RANBP17: variants seen among roughly 807,000 people sequenced by gnomAD.
The protein encoded by RANBP17 is RAN binding protein 17.
Under a neutral mutation model 141.2 loss-of-function variants are expected in RANBP17, and 158 were observed. The ratio of observed to expected loss-of-function variants is 1.12; its 90% CI spans 0.98 to 1.28. The LOEUF (loss-of-function observed/expected upper bound fraction) is 1.28, where lower values mean the gene tolerates loss of function less well. RANBP17 is among the 50% of genes most tolerant of loss of function. RANBP17 has a pLI of 0.00. For missense variants in RANBP17, 1,438 were observed against 1,290.7 expected, an observed-to-expected ratio of 1.11 and a Z score of -1.75; for synonymous variants, 430 against 450.0, an observed-to-expected ratio of 0.96 and a Z score of 0.56.
chr5:171,284,950 C>T (rs932351925), intron 25 of RANBP17, among the ~76,000 whole-genome samples: 1 of 152,116 alleles, frequency 6.6e-6, no homozygotes, highest in South Asian at 2.1e-4. Flanking sequence ...AGCCCAAACT[C>T]GTTTCTATAT....
intron 14 of RANBP17, among the ~76,000 whole-genome samples, chr5:171,147,339 TTG>T (rs59202388): frequency 0.014 from 1,460 of 104,832 alleles, 9 homozygotes; most frequent in African/African-American, 0.026. Flanking sequence ...CTTGGTTGTT[TTG>T]TGTGTGTGTG....
intron 5 of RANBP17, among the ~76,000 whole-genome samples, chr5:170,897,656 C>A (rs576865346): frequency 3.3e-5 from 5 of 151,572 alleles, no homozygotes; most frequent in African/African-American, 1.2e-4. Flanking sequence ...TAAGAACATG[C>A]AGTGTTTGGT....
In RANBP17 at chr5:170,945,298, G is replaced by A. The variant is rs1043531049; in HGVS notation, c.1469-8299G>A. Reference sequence around the variant, plus strand: ...TTCATTTTCTTGAGCAGCATCTGACGTAAGGCACAGAAAGAACATGGATGT... The same window carrying A: ...TTCATTTTCTTGAGCAGCATCTGACATAAGGCACAGAAAGAACATGGATGT... On this transcript the variant is annotated intron_variant, in intron 12 of 27. Coordinates refer to ENST00000523189, the MANE Select transcript of RANBP17 (RefSeq NM_022897.5). Among the ~76,000 whole-genome samples the A allele has an allele frequency of 6.6e-5, 10 of 152,144 alleles. 1 individual carries two copies. Among genetic ancestry groups the A allele is most frequent in the South Asian group, 4.1e-4 (2 of 4,834 alleles).
chr5:171,048,830 A>C (rs2446050), intron 14 of RANBP17, among the ~76,000 whole-genome samples: 1 of 152,046 alleles, frequency 6.6e-6, no homozygotes, highest in Admixed American at 6.5e-5. Flanking sequence ...TAATGGCTGC[A>C]TAGTAGTGCA....
At chr5:171,245,859 T>C (rs915449157) in intron 24 of RANBP17, among the ~76,000 whole-genome samples, 3 of 151,712 alleles carry the variant, frequency 2.0e-5, no homozygotes, top group Non-Finnish European at 4.4e-5. Context: ...TACCCAGCCT[T>C]GGGAGTTTCT....
At chr5:171,002,525 C>G (rs1779285803) in intron 14 of RANBP17, among the ~76,000 whole-genome samples, 1 of 151,878 alleles carries the variant, frequency 6.6e-6, no homozygotes, top group Admixed American at 6.6e-5. Context: ...GTGAGGAAAC[C>G]TTTTTCAGCC....
At position 171,025,277 on chromosome 5, in the gene RANBP17, G is replaced by A. The variant is rs568812215; in HGVS notation, c.1710+56900G>A. 5.3e-5 allele frequency among the ~76,000 whole-genome samples: 8 copies of A among 152,246 alleles called. No individual in the cohort carries two copies. In the South Asian group the frequency reaches 1.7e-3, roughly 32 times the overall value. ...AAATGAAAATCAGTGGCTTCCCAGT[G>A]TTTTTAGGATAAAGATCAAAGTCTT... On this transcript the variant is annotated intron_variant, in intron 14 of 27. Coordinates refer to ENST00000523189, the MANE Select transcript of RANBP17 (RefSeq NM_022897.5).
chr5:171,221,804 C>T lies in RANBP17; in HGVS notation c.2386C>T (p.Leu796Phe). 1.2e-6 allele frequency: 2 copies of T among 1,610,276 alleles called. No homozygotes were observed. Among genetic ancestry groups the T allele is most frequent in the South Asian group, 1.1e-5 (1 of 90,894 alleles). ...FDVSSPNGIL[L>F]FREASKMVCT... ...TGTATCATCTCCTAATGGAATTCTT[C>T]TCTTCAGAGAAGCTAGTAAAATGGT... is the stretch of plus-strand genomic sequence containing the variant. The change falls in exon 22 of 28, where the codon CTC (leucine) becomes TTC (phenylalanine). Residue 796 changes from leucine (L) to phenylalanine (F), a missense_variant. Transcript: ENST00000523189.
chr5:171,215,066 C>G (rs1403892902), intron 21 of RANBP17, among the ~76,000 whole-genome samples: 3 of 151,812 alleles, frequency 2.0e-5, no homozygotes, highest in African/African-American at 7.3e-5. Flanking sequence ...CCCCCCATCC[C>G]CCAACAGGCC....
intron 14 of RANBP17, among the ~76,000 whole-genome samples, chr5:171,097,650 ATTATAC>A (rs1786796902): frequency 1.4e-5 from 2 of 142,268 alleles, no homozygotes; most frequent in South Asian, 2.2e-4. Flanking sequence ...TATTATTATT[ATTATAC>A]TTTAAGTTCT....
chr5:171,136,494 T>C (rs1757294246), intron 14 of RANBP17, among the ~76,000 whole-genome samples: 1 of 152,136 alleles, frequency 6.6e-6, no homozygotes, highest in African/African-American at 2.4e-5. Context: ...GGACTCACTT[T>C]AGGTAAGATT....
chr5:171,229,926 G>A (rs760569037), intron 22 of RANBP17, among the ~76,000 whole-genome samples: 4 of 151,694 alleles, frequency 2.6e-5, no homozygotes, highest in Admixed American at 6.6e-5. Flanking sequence ...TTAGCCGGGC[G>A]TGGTGGTGCA....
intron 5 of RANBP17, among the ~76,000 whole-genome samples, chr5:170,901,680 C>T (rs866535074): frequency 2.0e-5 from 3 of 152,108 alleles, no homozygotes; most frequent in Non-Finnish European, 4.4e-5. Flanking sequence ...TTCCATATTT[C>T]GTGCTTCCTT....
chr5:171,121,814 TCACCCCCACCA>T (rs1260882718), intron 14 of RANBP17, among the ~76,000 whole-genome samples: 4 of 152,046 alleles, frequency 2.6e-5, no homozygotes, highest in African/African-American at 9.7e-5. Context: ...CAATAGTTAC[TCACCCCCACCA>T]CACCCCCACC....
intron 18 of RANBP17, among the ~76,000 whole-genome samples, chr5:171,189,141 G>A (rs558562983): frequency 6.6e-6 from 1 of 152,224 alleles, no homozygotes; most frequent in African/African-American, 2.4e-5. Flanking sequence ...AGAGGCTATG[G>A]TGGAAGTGCT....
rs200426690 is a variant in RANBP17, at chr5:171,183,383, G to A, written c.1991G>A (p.Arg664Gln). ...DNHSLSDFRC[R>Q]TTFYTALTRL... ...CATAGTCTCAGCGACTTCAGGTGTC[G>A]AACAACCTTCTACACAGCGCTCACT... Residue 664 changes from arginine to glutamine, a missense_variant, in exon 18 of 28, where the codon CGA becomes CAA. By Grantham distance (43) the Arg-to-Gln change is conservative. Coordinates refer to ENST00000523189, the MANE Select transcript of RANBP17 (RefSeq NM_022897.5). 6.6e-5 allele frequency: 107 copies of A among 1,613,760 alleles called. No homozygotes were observed. Among genetic ancestry groups the A allele is most frequent in the Non-Finnish European group, 4.2e-5 (49 of 1,179,872 alleles).
intron 14 of RANBP17, among the ~76,000 whole-genome samples, chr5:171,153,234 G>A (rs147762588): frequency 2.3e-4 from 35 of 152,306 alleles, no homozygotes; most frequent in African/African-American, 8.2e-4. Flanking sequence ...AGTAGGTGTT[G>A]TTAATTAGAG....
chr5:171,023,198 C>T (rs954530487), intron 14 of RANBP17, among the ~76,000 whole-genome samples: 12 of 152,190 alleles, frequency 7.9e-5, no homozygotes, highest in African/African-American at 2.9e-4. Context: ...CTCTGAACGC[C>T]GCTGTTCTGT....
At chr5:170,982,217 CAGATAT>C (rs1047694590) in intron 14 of RANBP17, among the ~76,000 whole-genome samples, 21 of 151,048 alleles carry the variant, frequency 1.4e-4, no homozygotes, top group African/African-American at 1.5e-4. Context: ...GAGAGACCTA[CAGATAT>C]AGATATAGAT....
Sources: allele counts gnomAD v4.1 joint callset (sites outside exome capture counted in the v4.1 genomes callset), GRCh38; gene constraint gnomAD v4.1.1; transcripts MANE v1.5; gene names NCBI Gene and HGNC (gene_info 2026-07-23, HGNC 2026-07-21).